Variants in TMCC1 observed in about 807,000 individuals in gnomAD.
TMCC1 encodes transmembrane and coiled-coil domains protein 1.
TMCC1 carries 15 observed loss-of-function variants against 52.4 expected under a neutral mutation model. The observed-to-expected ratio is 0.29, with a 90% CI of 0.19 to 0.44. The LOEUF is 0.44. Ranked by LOEUF, TMCC1 falls within the 20% of genes least tolerant of loss-of-function variation. The pLI is 1.00. For synonymous variants in TMCC1, 279 were observed against 301.9 expected, an observed-to-expected ratio of 0.92 and a Z score of 0.79; for missense variants, 503 against 806.0, an observed-to-expected ratio of 0.62 and a Z score of 4.55.
intron 4 of TMCC1, among the ~76,000 whole-genome samples, chr3:129,747,235 C>T (rs1041724071): frequency 6.6e-6 from 1 of 152,014 alleles, no homozygotes; most frequent in Admixed American, 6.6e-5. Flanking sequence ...GCATCACAAA[C>T]CCCTCTGAGA....
chr3:129,686,119 A>G (rs895787287), intron 4 of TMCC1, among the ~76,000 whole-genome samples: 1 of 152,146 alleles, frequency 6.6e-6, no homozygotes, highest in Admixed American at 6.5e-5. Context: ...TAAGCTGAAG[A>G]AATTATTTTT....
chr3:129,743,200 G>C (rs1031231685), intron 4 of TMCC1, among the ~76,000 whole-genome samples: 2 of 152,130 alleles, frequency 1.3e-5, no homozygotes, highest in Non-Finnish European at 2.9e-5. Context: ...ATTTCAAAAA[G>C]CTCTTTCTAA....
At chr3:129,693,492 C>A (rs2047171363) in intron 4 of TMCC1, among the ~76,000 whole-genome samples, 1 of 147,650 alleles carries the variant, frequency 6.8e-6, no homozygotes, top group Non-Finnish European at 1.5e-5. Flanking sequence ...TCTTGCCTTC[C>A]CCAAGATTGA....
intron 4 of TMCC1, among the ~76,000 whole-genome samples, chr3:129,700,106 T>C (rs2047708785): frequency 6.6e-6 from 1 of 152,186 alleles, no homozygotes; most frequent in Non-Finnish European, 1.5e-5. Flanking sequence ...TCGGGTACTG[T>C]GGCTCATGCC....
At chr3:129,685,403 T>A (rs76725134) in intron 4 of TMCC1, among the ~76,000 whole-genome samples, 8,208 of 133,614 alleles carry the variant, frequency 0.061, 654 homozygotes, top group African/African-American at 0.2. Flanking sequence ...AAATTAAATT[T>A]AAAAAAAAAA....
At chr3:129,740,608 T>C (rs1354545396) in intron 4 of TMCC1, among the ~76,000 whole-genome samples, 2 of 152,136 alleles carry the variant, frequency 1.3e-5, no homozygotes, top group Non-Finnish European at 2.9e-5. Flanking sequence ...CAAGAGATGC[T>C]TAGTTCCATG....
intron 4 of TMCC1, among the ~76,000 whole-genome samples, chr3:129,738,310 G>C (rs1313837765): frequency 6.7e-6 from 1 of 148,654 alleles, no homozygotes; most frequent in Non-Finnish European, 1.5e-5. Context: ...AAAAAAGAAA[G>C]AGAGCTTTCA....
At chr3:129,868,187 TCTTC>T (rs1206801408) in intron 2 of TMCC1, among the ~76,000 whole-genome samples, 1 of 152,188 alleles carries the variant, frequency 6.6e-6, no homozygotes, top group Non-Finnish European at 1.5e-5. Flanking sequence ...AACAATTTAC[TCTTC>T]CTTTTCTGGC....
Position 129,724,237 on chromosome 3 carries a change from T to A in TMCC1, c.577-52973A>T, listed in dbSNP as rs972066042. Among the ~76,000 whole-genome samples the A allele has an allele frequency of 3.3e-5, 5 of 152,216 alleles. No individual in the cohort carries two copies. The East Asian group carries it at 9.6e-4, about 29-fold the overall frequency. ...AAAACAAGAGATCTATGGTGTCACATGAGATAATCTTCAGCCCAGTTAAGC... is the reference window on the plus strand; with the variant it reads ...AAAACAAGAGATCTATGGTGTCACAAGAGATAATCTTCAGCCCAGTTAAGC... On this transcript the variant is annotated intron_variant, in intron 4 of 6. Transcript: ENST00000393238.
chr3:129,795,467 T>TC (rs11377404), intron 4 of TMCC1, among the ~76,000 whole-genome samples: 149,833 of 152,166 alleles, frequency 0.98, 73,814 homozygotes, highest in Non-Finnish European at 1. Context: ...ATATTTTTTT[T>TC]CCCTGTTCCA....
chr3:129,697,456 TC>T (rs1379190477), intron 4 of TMCC1, among the ~76,000 whole-genome samples: 2 of 152,116 alleles, frequency 1.3e-5, no homozygotes, highest in East Asian at 3.9e-4. Context: ...CTCCTAGACC[TC>T]TAGGCCTGTG....
chr3:129,668,529 G>A (rs1449967958), intron 5 of TMCC1, among the ~76,000 whole-genome samples: 1 of 152,136 alleles, frequency 6.6e-6, no homozygotes, highest in Non-Finnish European at 1.5e-5. Context: ...GTTTAATATG[G>A]TACAAAGACA....
chr3:129,838,540 G>A (rs548506982), intron 2 of TMCC1, among the ~76,000 whole-genome samples: 1 of 152,126 alleles, frequency 6.6e-6, no homozygotes, highest in African/African-American at 2.4e-5. Flanking sequence ...AGATCACAAG[G>A]TCAGGAGTTT....
chr3:129,845,904 T>G (rs992090461), intron 2 of TMCC1, among the ~76,000 whole-genome samples: 3 of 152,146 alleles, frequency 2.0e-5, no homozygotes, highest in Non-Finnish European at 4.4e-5. Flanking sequence ...TGTGGTGGCA[T>G]GCACCTGTGG....
intron 4 of TMCC1, among the ~76,000 whole-genome samples, chr3:129,684,065 A>C (rs910121120): frequency 6.6e-5 from 10 of 152,242 alleles, no homozygotes; most frequent in African/African-American, 2.4e-4. Context: ...TCAATGTTTA[A>C]AGATCCTGGA....
intron 2 of TMCC1, among the ~76,000 whole-genome samples, chr3:129,851,424 T>C (rs534582203): frequency 1.3e-5 from 2 of 152,308 alleles, no homozygotes; most frequent in African/African-American, 2.4e-5. Flanking sequence ...AAAATCTGCT[T>C]AGTAAAAAGG....
At chr3:129,658,481 C>G (rs1432550463) in intron 5 of TMCC1, among the ~76,000 whole-genome samples, 2 of 152,212 alleles carry the variant, frequency 1.3e-5, no homozygotes, top group Non-Finnish European at 2.9e-5. Context: ...TGTACAACAA[C>G]ATGTATGTCA....
At chr3:129,846,824 T>C (rs2059685101) in intron 2 of TMCC1, among the ~76,000 whole-genome samples, 1 of 129,300 alleles carries the variant, frequency 7.7e-6, no homozygotes, top group Non-Finnish European at 1.5e-5. Context: ...AGCCCAGAAG[T>C]TCAAGACCAG....
In TMCC1 at chr3:129,745,649, A is replaced by G. The variant is rs1292809537; in HGVS notation, c.577-74385T>C. Among the ~76,000 whole-genome samples, 4 of 152,220 alleles carry G rather than the reference A, an allele frequency of 2.6e-5. No homozygotes were observed. In the East Asian group the frequency reaches 7.8e-4, roughly 30 times the overall value. On this transcript the variant is annotated intron_variant, in intron 4 of 6. Coordinates refer to ENST00000393238, the MANE Select transcript of TMCC1 (RefSeq NM_001017395.5). ...GAAGCCTTTAAATAGACACAGCTGAATCTTTTCTCATTTTAAAAAAGTAAG... is the reference window on the plus strand; with the variant it reads ...GAAGCCTTTAAATAGACACAGCTGAGTCTTTTCTCATTTTAAAAAAGTAAG...
Sources: gnomAD v4.1 joint callset for allele counts (sites outside exome capture counted in the v4.1 genomes callset) on GRCh38, gnomAD v4.1.1 for gene constraint, MANE v1.5 for transcripts, NCBI Gene and HGNC (gene_info 2026-07-23, HGNC 2026-07-21) for gene names.